HSPG2: variants seen among roughly 807,000 people sequenced by gnomAD.
HSPG2 encodes the protein heparan sulfate proteoglycan 2.
A neutral mutation model predicts 526.6 loss-of-function variants in HSPG2; 278 were observed. The observed-to-expected ratio is 0.53, with a 90% CI of 0.48 to 0.58. The LOEUF is 0.58. HSPG2 is among the 20% of genes least tolerant of loss of function. The pLI, the probability that HSPG2 is intolerant of heterozygous loss-of-function variation, is 0.00. For synonymous variants in HSPG2, 2,465 were observed against 2,555.4 expected (o/e 0.96, Z 1.07); for missense variants, 5,354 against 6,099.5 (o/e 0.88, Z 4.07).
chr1:21,873,178 GCT>G, intron 30 of HSPG2, 87 bp from the exon 31 acceptor site: 1 of 1,276,804 alleles, frequency 7.8e-7, no homozygotes, highest in East Asian at 2.3e-5. Flanking sequence ...CTGAGCGGGA[GCT>G]CTGATTTCTG....
At chr1:21,886,891 A>G (rs1457264604) in intron 9 of HSPG2, among the ~76,000 whole-genome samples, 2 of 152,188 alleles carry the variant, frequency 1.3e-5, no homozygotes, top group East Asian at 3.9e-4. Flanking sequence ...TCCGACCCAC[A>G]TACAAAACAA....
chr1:21,823,401 G>A lies in HSPG2; in HGVS notation c.13091C>T (p.Ala4364Val). 1 of 1,569,776 alleles carries A rather than the reference G, an allele frequency of 6.4e-7. No homozygotes were observed. Among genetic ancestry groups the A allele is most frequent in the Non-Finnish European group, 8.6e-7 (1 of 1,162,598 alleles). Residue 4364 changes from alanine to valine, a missense_variant, in exon 97 of 97, where the codon GCC becomes GTC. Physicochemically the swap from Ala to Val is moderately conservative, Grantham distance 64. Coordinates refer to ENST00000374695, the MANE Select transcript of HSPG2 (RefSeq NM_005529.7). ...GCVKNLVLHS[A>V]RPGAPPPQPL... ...CTGTGGGGGCGGGGCGCCGGGTCGG[G>A]CCGAGTGCAGCACCAGGTTCTTGAC...
intron 25 of HSPG2, 21 bp downstream of exon 25, chr1:21,875,608 T>G (rs745725329): frequency 6.3e-7 from 1 of 1,587,754 alleles, no homozygotes; most frequent in African/African-American, 1.3e-5. Flanking sequence ...ATGCTGGTCC[T>G]CCTGCCCCGG....
In HSPG2 at chr1:21,884,903, G is replaced by A. The variant is rs770532300; in HGVS notation, c.1371C>T (p.Ser457=). The change falls in exon 12 of 97, where the codon AGC becomes AGT. Residue 457 remains serine, a synonymous_variant. Coordinates refer to ENST00000374695, the MANE Select transcript of HSPG2 (RefSeq NM_005529.7). ...TGATCAGTGTGCCACGGCCACCCTC[G>A]CTGGTCACTGTCACCCTGGTGAGCC... is the stretch of plus-strand genomic sequence containing the variant. ...IPSHPRVTVT[S]EGGRGTLIIR... The A allele has an allele frequency of 1.5e-5, 25 of 1,613,860 alleles. No individual in the cohort carries two copies. The South Asian group carries it at 2.0e-4, about 13-fold the overall frequency.
chr1:21,828,127 G>A lies in HSPG2; in HGVS notation c.12435C>T (p.Asn4145=), dbSNP rs2097984779. Reference sequence around the variant, plus strand: ...GACAGGGTTCACGGAGCTGGCAGGGGTTCTCCTCGTGCTCACACAGGTCTC... The same window carrying A: ...GACAGGGTTCACGGAGCTGGCAGGGATTCTCCTCGTGCTCACACAGGTCTC... ...FKGDLCEHEE[N]PCQLREPCLH... Residue 4145 remains asparagine, a synonymous_variant, in exon 90 of 97, where the codon AAC becomes AAT. Transcript: ENST00000374695. This position sits in a 1 kb window ranked among gnomAD's most constrained non-coding sequence, Gnocchi z 6.0. 2 of 1,552,130 alleles carry A rather than the reference G, an allele frequency of 1.3e-6. No individual in the cohort carries two copies. The highest frequency in any genetic ancestry group is 8.8e-7 in the Non-Finnish European group (1 of 1,141,956).
At chr1:21,908,659 G>C in intron 1 of HSPG2, 1 of 516,534 alleles carries the variant, frequency 1.9e-6, no homozygotes, top group Non-Finnish European at 3.4e-6. Context: ...TTGTTATTTT[G>C]ATTAAAATAA....
intron 1 of HSPG2, among the ~76,000 whole-genome samples, chr1:21,910,581 G>C (rs1643607304): frequency 6.6e-6 from 1 of 152,212 alleles, no homozygotes; most frequent in African/African-American, 2.4e-5. Context: ...CAGCCACTTT[G>C]TGAAGCAGAA....
rs1638454240 is a variant in HSPG2, at chr1:21,846,562, G to T, written c.8202C>A (p.Ser2734=). ...TCTCCCCTTCGGCCACGTGTGAGGA[G>T]GATGACTCAATTCTGATGGGCATGG... is the stretch of plus-strand genomic sequence containing the variant. ...GSSMPIRIES[S]SSHVAEGETL... Residue 2734 remains serine (S), a synonymous_variant, in exon 63 of 97, where the codon TCC becomes TCA. Coordinates refer to ENST00000374695, the MANE Select transcript of HSPG2 (RefSeq NM_005529.7). The T allele has an allele frequency of 4.3e-6, 7 of 1,613,730 alleles. 1 individual carries two copies. Among genetic ancestry groups the T allele is most frequent in the South Asian group, 3.3e-5 (3 of 91,086 alleles).
At chr1:21,892,587 C>T (rs1013430778) in intron 3 of HSPG2, among the ~76,000 whole-genome samples, 2 of 152,206 alleles carry the variant, frequency 1.3e-5, no homozygotes, top group African/African-American at 4.8e-5. Context: ...CAAGAACCAG[C>T]CCCCGGGCTG....
chr1:21,921,955 A>C (rs1644050729), intron 1 of HSPG2, among the ~76,000 whole-genome samples: 1 of 151,988 alleles, frequency 6.6e-6, no homozygotes, highest in South Asian at 2.1e-4. Context: ...GTTGGAGGAG[A>C]GGATGGACTC....
rs771648867 is a variant in HSPG2 at position 21,846,114 on chromosome 1, C to A, written c.8458G>T (p.Val2820Phe). 3.7e-6 allele frequency: 6 copies of A among 1,612,532 alleles called. No homozygotes were observed. The African/African-American group carries it at 6.7e-5, about 18-fold the overall frequency. ...CCACTGCAGGGACCCTCACCGGGGA[C>A]GTGGACAGCACTTGAGCCAGAGGCT... Reference protein sequence around the residue: ...IEASGSSAVHVPAPGGAPPIR... With the variant: ...IEASGSSAVHFPAPGGAPPIR... The change falls in exon 64 of 97, where the codon GTC becomes TTC. Residue 2820 changes from valine (V) to phenylalanine (F), a missense_variant. Physicochemically the swap from Val to Phe is conservative, Grantham distance 50. Transcript: ENST00000374695.
intron 1 of HSPG2, among the ~76,000 whole-genome samples, chr1:21,914,103 A>C (rs1643807081): frequency 6.6e-6 from 1 of 152,152 alleles, no homozygotes; most frequent in Admixed American, 6.5e-5. Flanking sequence ...AAAAAACAGT[A>C]ATCATTATAG....
intron 1 of HSPG2, among the ~76,000 whole-genome samples, chr1:21,930,686 A>G (rs976218151): frequency 6.6e-6 from 1 of 151,946 alleles, no homozygotes; most frequent in Non-Finnish European, 1.5e-5. Context: ...AGGCAGGAGA[A>G]TCTCTTGAAC....
rs925653221 is a variant in HSPG2, at chr1:21,856,381, C to T, written c.5576-469G>A. Among the ~76,000 whole-genome samples, 7 of 152,258 alleles carry T rather than the reference C, an allele frequency of 4.6e-5. No homozygotes were observed. In the Middle Eastern group the frequency reaches 0.01, roughly 223 times the overall value. ...CCTCAGAGAGGCCCTCCCTGACTGC[C>T]CTATCTAGAGTAGCCCTTGCCTCTC... On this transcript the variant is annotated intron_variant, in intron 44 of 96. Coordinates refer to ENST00000374695, the MANE Select transcript of HSPG2 (RefSeq NM_005529.7).
At chr1:21,924,376 T>C (rs569930426) in intron 1 of HSPG2, among the ~76,000 whole-genome samples, 161 of 151,950 alleles carry the variant, frequency 1.1e-3, no homozygotes, top group African/African-American at 3.7e-3. Context: ...AAAATAACAG[T>C]GTCAGGGGAA....
In HSPG2 at chr1:21,864,307, G is replaced by T; in HGVS notation, c.4627-94C>A. The T allele has an allele frequency of 9.6e-7, 1 of 1,045,732 alleles. No individual in the cohort carries two copies. Among genetic ancestry groups the T allele is most frequent in the Non-Finnish European group, 1.5e-6 (1 of 688,192 alleles). The allele number at this position is 1,045,732 out of a possible 1,614,324, so 64.8% of individuals were successfully genotyped here. A position where few individuals can be genotyped will look rare whatever the true frequency, so the allele number is the denominator to read the frequency against. Reference sequence around the variant, plus strand: ...CCCTCCCTCCAGTGTCCTCCCAGGGGTGACCCTGGAACATCACAGGCCGGC... The same window carrying T: ...CCCTCCCTCCAGTGTCCTCCCAGGGTTGACCCTGGAACATCACAGGCCGGC... On this transcript the variant is annotated intron_variant, in intron 36 of 96. Coordinates refer to ENST00000374695, the MANE Select transcript of HSPG2 (RefSeq NM_005529.7). This position sits in a 1 kb window ranked among gnomAD's most constrained non-coding sequence, Gnocchi z 4.8.
chr1:21,847,330 CG>C lies in HSPG2; in HGVS notation c.8164+23del. On this transcript the variant is annotated intron_variant, in intron 62 of 96. Coordinates refer to ENST00000374695, the MANE Select transcript of HSPG2 (RefSeq NM_005529.7). The surrounding 1 kb of genome is among the most constrained non-coding windows in gnomAD (Gnocchi z 4.1). The stretch of plus-strand genomic sequence containing the variant: ...AGGGAACACTGTTGCCTGCATCCCT[CG>C]TCCCTTTCCTAGGCAGACTCACCGG... 2 of 1,613,684 alleles carry C rather than the reference CG, an allele frequency of 1.2e-6. No homozygotes were observed. The highest frequency in any genetic ancestry group is 1.7e-6 in the Non-Finnish European group (2 of 1,179,928).
Position 21,855,302 on chromosome 1 carries a change from A to G in HSPG2, c.5997+2T>C. The stretch of plus-strand genomic sequence containing the variant: ...TCCTCCTGGGTGGGCCCATCTCCTC[A>G]CCTGTGGTGGGAGGCTGCCCCCTTC... On this transcript the variant is annotated splice_donor_variant, in intron 47 of 96. Coordinates refer to ENST00000374695, the MANE Select transcript of HSPG2 (RefSeq NM_005529.7). LOFTEE classifies it high-confidence loss of function. 6.2e-7 allele frequency: 1 copy of G among 1,601,918 alleles called. No individual in the cohort carries two copies. Among genetic ancestry groups the G allele is most frequent in the African/African-American group, 1.3e-5 (1 of 74,888 alleles).
rs1217009321 is a variant in HSPG2 at position 21,880,736 on chromosome 1, C to A, written c.1918G>T (p.Ala640Ser). Residue 640 changes from alanine to serine, a missense_variant, in exon 15 of 97, where the codon GCC (alanine) becomes TCC (serine). Ala to Ser is a moderately conservative substitution (Grantham distance 99). Coordinates refer to ENST00000374695, the MANE Select transcript of HSPG2 (RefSeq NM_005529.7). Reference protein sequence around the residue: ...VQRPDVVLMGAGYRLLSRGHT... With the variant: ...VQRPDVVLMGSGYRLLSRGHT... ...CCTCGGGAGAGGAGGCGGTACCCGG[C>A]ACCCATGAGGACCACGTCCGGCCGC... 2 of 1,601,360 alleles carry A rather than the reference C, an allele frequency of 1.2e-6. No individual in the cohort carries two copies. Among genetic ancestry groups the A allele is most frequent in the South Asian group, 2.3e-5 (2 of 88,790 alleles).
Sources: gnomAD v4.1 joint callset for allele counts (sites outside exome capture counted in the v4.1 genomes callset) on GRCh38, gnomAD v4.1.1 for gene constraint, Gnocchi (gnomAD v3.1) non-coding constraint, MANE v1.5 for transcripts, NCBI Gene and HGNC (gene_info 2026-07-23, HGNC 2026-07-21) for gene names.